Variants in KIF1B observed in about 807,000 individuals in gnomAD.
KIF1B encodes the protein kinesin family member 1B, also known as kinesin-like protein KIF1B.
A neutral mutation model predicts 241.9 loss-of-function variants in KIF1B; 76 were observed. The ratio of observed to expected loss-of-function variants is 0.31; its 90% CI spans 0.26 to 0.38. The LOEUF is 0.38. Ranked by LOEUF, KIF1B falls within the 10% of genes least tolerant of loss-of-function variation. KIF1B has a pLI of 1.00. For missense variants in KIF1B, 1,622 were observed against 2,271.4 expected (o/e 0.71, Z 5.81); for synonymous variants, 750 against 796.7 (o/e 0.94, Z 0.99).
At chr1:10,241,621 G>A (rs1384998999) in intron 2 of KIF1B, among the ~76,000 whole-genome samples, 1 of 152,114 alleles carries the variant, frequency 6.6e-6, no homozygotes, top group Admixed American at 6.6e-5. Flanking sequence ...TGGTGGAAAC[G>A]TCCTCTTTCT....
rs116302604 is a variant in KIF1B, at chr1:10,361,031, G to A, written c.4158G>A (p.Ser1386=). 8.5e-4 allele frequency: 1,368 copies of A among 1,610,768 alleles called. 6 individuals are homozygous for A. In the African/African-American group the frequency reaches 0.016, roughly 18 times the overall value. ...GAGAAAAGATCTACATGACCTTGTC[G>A]GCCTACCTAGAGGTGAGGAGACTTG... ...PYGEKIYMTL[S]AYLELDHCIQ... is the part of the protein sequence containing the mutation. Residue 1386 remains serine (S), a synonymous_variant, in exon 39 of 49, where the codon TCG becomes TCA. Coordinates refer to ENST00000676179, the MANE Select transcript of KIF1B (RefSeq NM_001365951.3).
chr1:10,328,736 C>T (rs966046994), intron 27 of KIF1B, among the ~76,000 whole-genome samples: 7 of 152,208 alleles, frequency 4.6e-5, no homozygotes, highest in Non-Finnish European at 8.8e-5. Context: ...TCTTACGTAA[C>T]ATGGTGAGGA....
rs780368055 is a variant in KIF1B at position 10,296,898 on chromosome 1, A to G, written c.1863A>G (p.Gly621=). 1.2e-6 allele frequency: 2 copies of G among 1,613,944 alleles called. No homozygotes were observed. Among genetic ancestry groups the G allele is most frequent in the East Asian group, 2.2e-5 (1 of 44,880 alleles). Residue 621 remains glycine, a splice_region_variant and synonymous_variant, in exon 21 of 49, where the codon GGA becomes GGG. Coordinates refer to ENST00000676179, the MANE Select transcript of KIF1B (RefSeq NM_001365951.3). ...CCCTATTTTTCTGTTTTGTGCTAGG[A>G]AACCGTATCATCATGGGTAAAAACC... The part of the protein sequence containing the change: ...RVSQPVQLRS[G]NRIIMGKNHV...
Position 10,352,746 on chromosome 1 carries a change from C to A in KIF1B, c.4055+10C>A. On this transcript the variant is annotated intron_variant, in intron 38 of 48. Coordinates refer to ENST00000676179, the MANE Select transcript of KIF1B (RefSeq NM_001365951.3). The stretch of plus-strand genomic sequence containing the variant: ...CCCACAACTCTAGCAGGTGGGACAC[C>A]CAGAGCAGTGTGAAGAAGTCCACAC... 1 of 1,599,524 alleles carries A rather than the reference C, an allele frequency of 6.3e-7. No individual in the cohort carries two copies. The highest frequency in any genetic ancestry group is 8.6e-7 in the Non-Finnish European group (1 of 1,167,124).
chr1:10,356,513 G>A (rs1293877127), intron 38 of KIF1B, among the ~76,000 whole-genome samples: 2 of 152,054 alleles, frequency 1.3e-5, no homozygotes, highest in Non-Finnish European at 2.9e-5. Flanking sequence ...CATGATATAA[G>A]AAGGTGGCTT....
chr1:10,290,151 A>C (rs1006344908), intron 15 of KIF1B, among the ~76,000 whole-genome samples: 4 of 152,012 alleles, frequency 2.6e-5, no homozygotes, highest in African/African-American at 9.7e-5. Flanking sequence ...AATTTAATTT[A>C]ATTAATTTAT....
intron 4 of KIF1B, among the ~76,000 whole-genome samples, chr1:10,261,459 T>G (rs1648141441): frequency 1.3e-5 from 2 of 151,840 alleles, no homozygotes; most frequent in South Asian, 4.2e-4. Context: ...GGCCAAGATG[T>G]TCTCGATCTC....
chr1:10,308,118 GCTGTGCCCCAGTGCCTTA>G, intron 22 of KIF1B: 6 of 1,060,892 alleles, frequency 5.7e-6, no homozygotes, highest in Non-Finnish European at 6.8e-6. Context: ...GCAGTCAGCT[GCTGTGCCCCAGTGCCTTA>G]CTGGTCCTTT....
chr1:10,347,574 C>G (rs773162100), intron 35 of KIF1B, among the ~76,000 whole-genome samples, 187 bp from the exon 36 acceptor site: 1 of 152,172 alleles, frequency 6.6e-6, no homozygotes, highest in African/African-American at 2.4e-5. Context: ...TTTGACTACT[C>G]AAGTCTAGAG....
rs1488778228 is a variant in KIF1B at position 10,306,164 on chromosome 1, C to T, written c.2115+8918C>T. 6 of 1,038,396 alleles carry T rather than the reference C, an allele frequency of 5.8e-6. No homozygotes were observed. The East Asian group carries it at 2.9e-4, about 51-fold the overall frequency. The allele number at this position is 1,038,396 out of a possible 1,614,324, so 64.3% of individuals were successfully genotyped here. ...GTTGCTTCCAATTAATGTTTTTTTC[C>T]CCTTAAAAAGAGAAGCTTTGAGAGA... On this transcript the variant is annotated intron_variant, in intron 22 of 48. Coordinates refer to ENST00000676179, the MANE Select transcript of KIF1B (RefSeq NM_001365951.3).
At chr1:10,285,251 A>G (rs975889317) in intron 15 of KIF1B, among the ~76,000 whole-genome samples, 8 of 152,238 alleles carry the variant, frequency 5.3e-5, no homozygotes, top group African/African-American at 1.9e-4. Flanking sequence ...CTATTTGCTT[A>G]TTAAAGCCTT....
At position 10,337,086 on chromosome 1, in the gene KIF1B, T is replaced by C. The variant is rs1303600182; in HGVS notation, c.3142T>C (p.Ser1048Pro). The C allele has an allele frequency of 6.2e-7, 1 of 1,614,132 alleles. No homozygotes were observed. Among genetic ancestry groups the C allele is most frequent in the South Asian group, 1.1e-5 (1 of 91,080 alleles). Reference sequence around the variant, plus strand: ...GCCTTTTTTTCAGAGTGACTTTTCGTCTGTTGCAATGACTCGTTCTGGTCT... The same window carrying C: ...GCCTTTTTTTCAGAGTGACTTTTCGCCTGTTGCAATGACTCGTTCTGGTCT... Reference protein sequence around the residue: ...NEYFNQSDFSSVAMTRSGLSL... With the variant: ...NEYFNQSDFSPVAMTRSGLSL... The change falls in exon 30 of 49, where the codon TCT (serine) becomes CCT (proline). Residue 1048 changes from serine (S) to proline (P), a missense_variant. Ser to Pro is a moderately conservative substitution (Grantham distance 74). This residue lies in a region of KIF1B where 803 missense variants were observed against 1,112.0 expected (regional missense o/e 0.72). Transcript: ENST00000676179. This position sits in a 1 kb window ranked among gnomAD's most constrained non-coding sequence, Gnocchi z 4.0.
intron 9 of KIF1B, chr1:10,272,519 T>C (rs1348803357): frequency 9.5e-6 from 6 of 634,378 alleles, no homozygotes; most frequent in Non-Finnish European, 1.7e-5. Flanking sequence ...AAAGTAAATA[T>C]AGATCTGTAA....
intron 34 of KIF1B, among the ~76,000 whole-genome samples, chr1:10,345,150 C>T (rs775605928): frequency 2.6e-4 from 39 of 151,918 alleles, no homozygotes; most frequent in African/African-American, 8.7e-4. Context: ...GCCGAGATCA[C>T]GCCATAAAAA....
intron 45 of KIF1B, among the ~76,000 whole-genome samples, chr1:10,372,504 C>T (rs1638758236): frequency 1.3e-5 from 2 of 151,522 alleles, no homozygotes; most frequent in South Asian, 4.2e-4. Flanking sequence ...CCATTGCACT[C>T]CAGCCTGGGT....
chr1:10,316,569 C>T (rs982323247), intron 22 of KIF1B, among the ~76,000 whole-genome samples: 1 of 151,018 alleles, frequency 6.6e-6, no homozygotes, highest in African/African-American at 2.5e-5. Flanking sequence ...GGCACGATCT[C>T]GGCTCACTGC....
chr1:10,321,108 CT>C (rs1332388476), intron 23 of KIF1B, among the ~76,000 whole-genome samples: 224 of 143,444 alleles, frequency 1.6e-3, no homozygotes, highest in Middle Eastern at 3.7e-3. Flanking sequence ...AGGAGTTTGT[CT>C]TTTTTTTTTT....
intron 15 of KIF1B, among the ~76,000 whole-genome samples, chr1:10,283,400 A>T (rs189203865): frequency 2.0e-5 from 3 of 152,310 alleles, no homozygotes; most frequent in African/African-American, 7.2e-5. Context: ...TGCTGCATGT[A>T]TGCAGATTAC....
intron 44 of KIF1B, among the ~76,000 whole-genome samples, chr1:10,369,847 G>T (rs1412448885): frequency 6.6e-6 from 1 of 151,366 alleles, no homozygotes; most frequent in African/African-American, 2.4e-5. Context: ...CAGGAGAATC[G>T]CTTGAACCTG....
Sources: allele counts gnomAD v4.1 joint callset (sites outside exome capture counted in the v4.1 genomes callset), GRCh38; gene constraint gnomAD v4.1.1; regional missense constraint gnomAD v4.1.1; non-coding constraint Gnocchi (gnomAD v3.1); transcripts MANE v1.5; gene names NCBI Gene and HGNC (gene_info 2026-07-23, HGNC 2026-07-21).